THSD7B: variants seen among roughly 807,000 people sequenced by gnomAD.
THSD7B encodes thrombospondin type-1 domain-containing protein 7B.
THSD7B carries 138 observed loss-of-function variants against 213.6 expected under a neutral mutation model. The ratio of observed to expected loss-of-function variants is 0.65; its 90% CI spans 0.56 to 0.74. The LOEUF (loss-of-function observed/expected upper bound fraction) is 0.74, where lower values mean the gene tolerates loss of function less well. Ranked by LOEUF, THSD7B falls within the 30% of genes least tolerant of loss-of-function variation. The probability of loss-of-function intolerance (pLI) is 0.00; values close to 1 mark genes in which losing one functional copy is unlikely to be tolerated. For synonymous variants in THSD7B, 742 were observed against 687.0 expected, an observed-to-expected ratio of 1.08 and a Z score of -1.25; for missense variants, 1,931 against 1,991.5, an observed-to-expected ratio of 0.97 and a Z score of 0.58.
At chr2:136,978,275 A>G (rs2370216) in intron 2 of THSD7B, among the ~76,000 whole-genome samples, 70,917 of 151,972 alleles carry the variant, frequency 0.47, 19,292 homozygotes, top group East Asian at 0.78. Context: ...GTTGTTTTGG[A>G]GTGGAGAATT....
At chr2:137,026,484 G>C (rs1686558354) in intron 2 of THSD7B, among the ~76,000 whole-genome samples, 3 of 152,148 alleles carry the variant, frequency 2.0e-5, no homozygotes, top group Non-Finnish European at 2.9e-5. Flanking sequence ...AAATTTGAGA[G>C]TCCATGGTTT....
chr2:136,901,808 A>C (rs1377359741), intron 2 of THSD7B, among the ~76,000 whole-genome samples: 1 of 152,248 alleles, frequency 6.6e-6, no homozygotes, highest in East Asian at 1.9e-4. Context: ...TGTATTCAGC[A>C]TTAAAGCCAG....
At chr2:136,808,484 C>G (rs1010283970) in intron 1 of THSD7B, among the ~76,000 whole-genome samples, 2 of 152,144 alleles carry the variant, frequency 1.3e-5, no homozygotes, top group African/African-American at 4.8e-5. Context: ...ATGTCCATCA[C>G]CTATTGAAGG....
chr2:137,314,849 T>A lies in THSD7B; in HGVS notation c.2500+38823T>A, dbSNP rs576570306. ...TCAGGGGTCAGGGACCCACTTGAGG[T>A]GGCAGTCTGCCCGTTCTCAGATCTC... On this transcript the variant is annotated intron_variant, in intron 12 of 27. Transcript: ENST00000409968. Among the ~76,000 whole-genome samples the A allele has an allele frequency of 2.0e-3, 303 of 152,302 alleles. 3 individuals carry two copies. The highest frequency in any genetic ancestry group is 6.2e-3 in the African/African-American group (258 of 41,578).
intron 1 of THSD7B, among the ~76,000 whole-genome samples, chr2:136,793,016 T>G (rs546063273): frequency 3.3e-5 from 5 of 152,186 alleles, no homozygotes; most frequent in African/African-American, 1.2e-4. Flanking sequence ...TTTCTGTTTT[T>G]GGCTGCTATG....
chr2:136,825,062 G>A (rs1286572984), intron 1 of THSD7B, among the ~76,000 whole-genome samples: 1 of 152,148 alleles, frequency 6.6e-6, no homozygotes, highest in African/African-American at 2.4e-5. Context: ...GTACATTGAA[G>A]AAAATTTTAG....
At chr2:136,867,922 G>A (rs1683369802) in intron 1 of THSD7B, among the ~76,000 whole-genome samples, 2 of 152,310 alleles carry the variant, frequency 1.3e-5, no homozygotes, top group Admixed American at 1.3e-4. Flanking sequence ...AAGACAAAGA[G>A]TGGCTTTTTA....
intron 12 of THSD7B, among the ~76,000 whole-genome samples, chr2:137,397,467 T>G (rs1039555922): frequency 1.3e-5 from 2 of 151,982 alleles, no homozygotes; most frequent in Non-Finnish European, 2.9e-5. Flanking sequence ...GAAAATTCTT[T>G]TCTTTAAGAA....
intron 4 of THSD7B, among the ~76,000 whole-genome samples, chr2:137,096,973 A>G (rs1333777180): frequency 6.6e-6 from 1 of 152,226 alleles, no homozygotes; most frequent in Non-Finnish European, 1.5e-5. Context: ...GAAAGAGAGT[A>G]TCTCTTTTCC....
chr2:136,948,301 G>C (rs573513439), intron 2 of THSD7B, among the ~76,000 whole-genome samples: 32 of 152,162 alleles, frequency 2.1e-4, no homozygotes, highest in African/African-American at 7.2e-4. Flanking sequence ...GAGATTCCTT[G>C]ACCTGTCAGG....
intron 2 of THSD7B, among the ~76,000 whole-genome samples, chr2:137,053,394 T>C (rs1396569881): frequency 6.6e-6 from 1 of 152,134 alleles, no homozygotes; most frequent in Non-Finnish European, 1.5e-5. Context: ...GAAAAAATTT[T>C]GCTGCTTGAT....
At chr2:137,146,633 T>C (rs1259809583) in intron 5 of THSD7B, among the ~76,000 whole-genome samples, 2 of 152,156 alleles carry the variant, frequency 1.3e-5, no homozygotes, top group Non-Finnish European at 2.9e-5. Flanking sequence ...GTAGAGGTGA[T>C]ATCACCTCCA....
intron 2 of THSD7B, among the ~76,000 whole-genome samples, chr2:137,028,714 C>T (rs1215420069): frequency 6.6e-6 from 1 of 152,146 alleles, no homozygotes; most frequent in Admixed American, 6.5e-5. Flanking sequence ...ATGCTGTGGA[C>T]GCTCAAGGTG....
intron 2 of THSD7B, among the ~76,000 whole-genome samples, chr2:136,907,736 T>C (rs770218446): frequency 2.0e-5 from 3 of 152,226 alleles, no homozygotes; most frequent in Non-Finnish European, 2.9e-5. Context: ...GTAATAATTA[T>C]GGTCTCAGAT....
chr2:137,621,842 G>A (rs1051623283), intron 20 of THSD7B, among the ~76,000 whole-genome samples: 2 of 152,152 alleles, frequency 1.3e-5, no homozygotes, highest in African/African-American at 4.8e-5. Flanking sequence ...GTGGCTAGAA[G>A]GTTCAAGATT....
At chr2:137,575,672 ACTATT>A (rs1681443133) in intron 17 of THSD7B, among the ~76,000 whole-genome samples, 1 of 149,782 alleles carries the variant, frequency 6.7e-6, no homozygotes, top group Non-Finnish European at 1.5e-5. Context: ...AAAATGAAAA[ACTATT>A]TGTTTCCTTT....
intron 2 of THSD7B, among the ~76,000 whole-genome samples, chr2:137,050,925 G>A (rs1005659468): frequency 1.5e-4 from 23 of 152,168 alleles, no homozygotes; most frequent in South Asian, 4.1e-4. Flanking sequence ...TATATCTGAT[G>A]AGCAGGTTTT....
At chr2:137,007,116 T>G (rs1232304658) in intron 2 of THSD7B, among the ~76,000 whole-genome samples, 2 of 152,202 alleles carry the variant, frequency 1.3e-5, no homozygotes, top group Admixed American at 1.3e-4. Flanking sequence ...TGTGGCATCG[T>G]TGCATATGAC....
chr2:136,779,770 A>G (rs1224681945), intron 1 of THSD7B, among the ~76,000 whole-genome samples: 1 of 152,202 alleles, frequency 6.6e-6, no homozygotes, highest in East Asian at 1.9e-4. Flanking sequence ...CTAAATAGGA[A>G]TAGATATGCA....
Sources: gnomAD v4.1 joint callset for allele counts (sites outside exome capture counted in the v4.1 genomes callset) on GRCh38, gnomAD v4.1.1 for gene constraint, MANE v1.5 for transcripts, NCBI Gene and HGNC (gene_info 2026-07-23, HGNC 2026-07-21) for gene names.